Variants in GON4L observed in about 807,000 individuals in gnomAD.
GON4L encodes gon-4 like.
GON4L carries 87 observed loss-of-function variants against 211.8 expected under a neutral mutation model. That is an observed-to-expected ratio of 0.41 (90% CI 0.35 to 0.49). The LOEUF (loss-of-function observed/expected upper bound fraction) is 0.49, where lower values mean the gene tolerates loss of function less well. GON4L is among the 20% of genes least tolerant of loss of function. The probability of loss-of-function intolerance (pLI) is 0.15; values close to 1 mark genes in which losing one functional copy is unlikely to be tolerated. For missense variants in GON4L, 2,155 were observed against 2,659.5 expected, an observed-to-expected ratio of 0.81 and a Z score of 4.17; for synonymous variants, 875 against 962.6, an observed-to-expected ratio of 0.91 and a Z score of 1.68.
chr1:155,802,916 A>G (rs541079434), intron 11 of GON4L, among the ~76,000 whole-genome samples: 1 of 152,296 alleles, frequency 6.6e-6, no homozygotes, highest in South Asian at 2.1e-4. Flanking sequence ...AGATCTCACC[A>G]CTGCACTCCA....
chr1:155,848,395 T>C (rs1671452340), intron 2 of GON4L, among the ~76,000 whole-genome samples: 1 of 152,240 alleles, frequency 6.6e-6, no homozygotes, highest in South Asian at 2.1e-4. Flanking sequence ...GTAATGTGTC[T>C]ATGGTGTACC....
chr1:155,788,136 C>A (rs1359590322), intron 12 of GON4L, among the ~76,000 whole-genome samples: 1 of 152,124 alleles, frequency 6.6e-6, no homozygotes, highest in Admixed American at 6.5e-5. Context: ...GGACTACAGG[C>A]ATGCGCCACC....
Position 155,765,364 on chromosome 1 carries a change from T to C in GON4L, c.4109A>G (p.Glu1370Gly). The C allele has an allele frequency of 3.1e-6, 5 of 1,614,152 alleles. No homozygotes were observed. The South Asian group carries it at 5.5e-5, about 18-fold the overall frequency. Residue 1370 changes from glutamate to glycine, a missense_variant, in exon 21 of 32, where the codon GAA becomes GGA. Coordinates refer to ENST00000368331, the MANE Select transcript of GON4L (RefSeq NM_001282860.2). Reference sequence around the variant, plus strand: ...CTGTAAGACTGTCTGTTTCGTTACTTCTCCAGCACTGCTCAACTCCTCGCT... The same window carrying C: ...CTGTAAGACTGTCTGTTTCGTTACTCCTCCAGCACTGCTCAACTCCTCGCT... Reference protein sequence around the residue: ...APSEELSSAGEVTKQTVLQKE... With the variant: ...APSEELSSAGGVTKQTVLQKE...
At chr1:155,762,958 C>G (rs568822289) in intron 22 of GON4L, among the ~76,000 whole-genome samples, 8 of 151,992 alleles carry the variant, frequency 5.3e-5, no homozygotes, top group African/African-American at 1.9e-4. Flanking sequence ...ATCGCTTGAA[C>G]CTGGGAGGCA....
intron 11 of GON4L, among the ~76,000 whole-genome samples, chr1:155,799,425 AC>A (rs777521670): frequency 3.3e-5 from 5 of 152,128 alleles, no homozygotes; most frequent in Non-Finnish European, 7.4e-5. Context: ...CAAGAGTGAG[AC>A]CCTGTCTCAA....
intron 3 of GON4L, among the ~76,000 whole-genome samples, chr1:155,825,836 A>G (rs1669153448): frequency 6.6e-6 from 1 of 151,228 alleles, no homozygotes; most frequent in African/African-American, 2.4e-5. Flanking sequence ...TGAGGTCAGG[A>G]GTTCAAGACC....
At chr1:155,827,158 T>C (rs1241794405) in intron 2 of GON4L, 130 bp from the exon 3 acceptor site, 10 of 721,454 alleles carry the variant, frequency 1.4e-5, no homozygotes, top group Non-Finnish European at 2.2e-5. Context: ...ATATAGGAAT[T>C]TTCCTCTCTT....
intron 18 of GON4L, 135 bp from the exon 19 acceptor site, chr1:155,771,352 A>G (rs1663171438): frequency 5.9e-6 from 7 of 1,180,884 alleles, no homozygotes; most frequent in Middle Eastern, 2.2e-4. Context: ...CCCAGGCTGG[A>G]GTGCAGTGGC....
At chr1:155,816,015 A>G (rs1344514533) in intron 7 of GON4L, 115 bp from the exon 8 acceptor site, 7 of 743,520 alleles carry the variant, frequency 9.4e-6, no homozygotes, top group South Asian at 1.5e-5. Context: ...AGCATAATGT[A>G]CAGCTAAAGC....
rs373563436 is a variant in GON4L, at chr1:155,765,599, C to G, written c.3874G>C (p.Val1292Leu). 1.9e-6 allele frequency: 3 copies of G among 1,614,044 alleles called. No homozygotes were observed. Among genetic ancestry groups the G allele is most frequent in the African/African-American group, 2.7e-5 (2 of 74,910 alleles). Residue 1292 changes from valine (V) to leucine (L), a missense_variant, in exon 21 of 32, where the codon GTT becomes CTT. Coordinates refer to ENST00000368331, the MANE Select transcript of GON4L (RefSeq NM_001282860.2). The part of the protein sequence containing the change: ...LSENSACRWT[V>L]VKTEEGRQAL... ...TGCCTCCCCTCCTCTGTTTTCACAA[C>G]GGTCCAGCGACAGGCACTATTCTCT...
Position 155,776,491 on chromosome 1 carries a change from G to A in GON4L, c.2092-10C>T. ...TCAAGAGCTGAACGTGCTGGGGATG[G>A]AAAGAAAATGATGAAGTGACATGTT... On this transcript the variant is annotated splice_polypyrimidine_tract_variant and intron_variant, in intron 15 of 31. Transcript: ENST00000368331. The A allele has an allele frequency of 6.3e-7, 1 of 1,587,572 alleles. No homozygotes were observed. Among genetic ancestry groups the A allele is most frequent in the Non-Finnish European group, 8.7e-7 (1 of 1,155,986 alleles).
chr1:155,753,350 C>T lies in GON4L; in HGVS notation c.5696G>A (p.Arg1899Gln), dbSNP rs187734076. Residue 1899 changes from arginine (R) to glutamine (Q), a missense_variant, in exon 29 of 32, where the codon CGA becomes CAA. By Grantham distance (43) the Arg-to-Gln change is conservative. This residue lies in a region of GON4L where 455 missense variants were observed against 504.6 expected (regional missense o/e 0.90). Coordinates refer to ENST00000368331, the MANE Select transcript of GON4L (RefSeq NM_001282860.2). ...AGCACCAGGCATAGGACTAGCCTCT[C>T]GGTGGGGGCTGCTGCCCACCAACTC... ...PHELVGSSPH[R>Q]EASPMPGAKE... The T allele has an allele frequency of 1.5e-5, 24 of 1,613,726 alleles. No individual in the cohort carries two copies. In the East Asian group the frequency reaches 3.1e-4, roughly 21 times the overall value.
In GON4L at chr1:155,839,289, A is replaced by G. The variant is rs147522678; in HGVS notation, c.506-12261T>C. Among the ~76,000 whole-genome samples the G allele has an allele frequency of 3.8e-3, 585 of 152,084 alleles. 5 individuals carry two copies. The highest frequency in any genetic ancestry group is 0.013 in the African/African-American group (558 of 41,502). On this transcript the variant is annotated intron_variant, in intron 2 of 31. Coordinates refer to ENST00000368331, the MANE Select transcript of GON4L (RefSeq NM_001282860.2). ...CATAAGAAAGAATCCTGCAGATCTC[A>G]GTGGGAAAAAAAAAAGGATCTTATA...
chr1:155,760,488 A>T lies in GON4L; in HGVS notation c.5065T>A (p.Phe1689Ile). The T allele has an allele frequency of 6.2e-7, 1 of 1,613,004 alleles. No homozygotes were observed. Among genetic ancestry groups the T allele is most frequent in the Non-Finnish European group, 8.5e-7 (1 of 1,179,082 alleles). The change falls in exon 24 of 32, where the codon TTT (phenylalanine) becomes ATT (isoleucine). Residue 1689 changes from phenylalanine (F) to isoleucine (I), a missense_variant. Phe to Ile is a conservative substitution (Grantham distance 21). Transcript: ENST00000368331. ...TGCTCAGGTAACAGGAAAGCAGCAAAGTCTTTCAACAGCTGAGGCCAGTCT... is the reference window on the plus strand; with the variant it reads ...TGCTCAGGTAACAGGAAAGCAGCAATGTCTTTCAACAGCTGAGGCCAGTCT... ...LQDWPQLLKD[F>I]AAFLLPEQAL...
At chr1:155,752,642 A>G in intron 29 of GON4L, 52 bp from the exon 30 acceptor site, 3 of 1,552,188 alleles carry the variant, frequency 1.9e-6, no homozygotes, top group Non-Finnish European at 2.6e-6. Flanking sequence ...AGATGCACCT[A>G]AGCACGAGAA....
chr1:155,798,897 AG>A (rs1175969371), intron 11 of GON4L, among the ~76,000 whole-genome samples: 2 of 152,142 alleles, frequency 1.3e-5, no homozygotes, highest in Non-Finnish European at 2.9e-5. Flanking sequence ...CATTTAACAA[AG>A]ATGCTGAAAA....
intron 27 of GON4L, among the ~76,000 whole-genome samples, chr1:155,755,971 A>C (rs1481525225): frequency 1.3e-5 from 2 of 148,890 alleles, no homozygotes; most frequent in Non-Finnish European, 2.9e-5. Flanking sequence ...GTCAGGAAAC[A>C]CGAATTAAAA....
At position 155,765,341 on chromosome 1, in the gene GON4L, G is replaced by C. The variant is rs777153442; in HGVS notation, c.4132C>G (p.Gln1378Glu). 1.2e-6 allele frequency: 2 copies of C among 1,614,150 alleles called. No individual in the cohort carries two copies. Among genetic ancestry groups the C allele is most frequent in the East Asian group, 2.2e-5 (1 of 44,882 alleles). The change falls in exon 21 of 32, where the codon CAG (glutamine) becomes GAG (glutamate). Residue 1378 changes from glutamine (Q) to glutamate (E), a missense_variant. Physicochemically the swap from Gln to Glu is conservative, Grantham distance 29. Around this residue, in one of 6 missense-constraint regions of GON4L, gnomAD observed 615 missense variants for 625.7 expected, o/e 0.98. Coordinates refer to ENST00000368331, the MANE Select transcript of GON4L (RefSeq NM_001282860.2). ...AGEVTKQTVL[Q>E]KEEERSQPTK... The stretch of plus-strand genomic sequence containing the variant: ...GGCTGACTCCTCTCCTCTTCCTTCT[G>C]TAAGACTGTCTGTTTCGTTACTTCT...
chr1:155,848,873 C>A (rs1042363775), intron 2 of GON4L, among the ~76,000 whole-genome samples: 4 of 152,188 alleles, frequency 2.6e-5, no homozygotes, highest in African/African-American at 9.6e-5. Context: ...GTAGGTCGGG[C>A]GCGGTGGCTC....
Sources: gnomAD v4.1 joint callset for allele counts (sites outside exome capture counted in the v4.1 genomes callset) on GRCh38, gnomAD v4.1.1 for gene constraint, gnomAD v4.1.1 regional missense constraint, MANE v1.5 for transcripts, NCBI Gene and HGNC (gene_info 2026-07-23, HGNC 2026-07-21) for gene names.